NDST3: variants seen among roughly 807,000 people sequenced by gnomAD.
NDST3 encodes N-deacetylase and N-sulfotransferase 3, also known as bifunctional heparan sulfate N-deacetylase/N-sulfotransferase 3.
Under a neutral mutation model 96.1 loss-of-function variants are expected in NDST3, and 58 were observed. The ratio of observed to expected loss-of-function variants is 0.60; its 90% CI spans 0.49 to 0.75. The LOEUF (loss-of-function observed/expected upper bound fraction) is 0.75. Ranked by LOEUF, NDST3 falls within the 30% of genes least tolerant of loss-of-function variation. The pLI is 0.00. For missense variants in NDST3, 788 were observed against 1,034.2 expected (o/e 0.76, Z 3.27); for synonymous variants, 333 against 359.7 (o/e 0.93, Z 0.84).
At chr4:118,213,272 C>G (rs973295832) in intron 6 of NDST3, among the ~76,000 whole-genome samples, 1 of 152,178 alleles carries the variant, frequency 6.6e-6, no homozygotes, top group African/African-American at 2.4e-5. Flanking sequence ...TGTTCTTATT[C>G]ATGCCCCAGG....
At chr4:118,078,943 C>T (rs868668283) in intron 2 of NDST3, among the ~76,000 whole-genome samples, 14 of 152,266 alleles carry the variant, frequency 9.2e-5, no homozygotes, top group South Asian at 4.1e-4. Context: ...AATATTTACA[C>T]TATTTTTTTT....
chr4:118,129,377 T>C (rs1732403103), intron 4 of NDST3, among the ~76,000 whole-genome samples: 1 of 152,024 alleles, frequency 6.6e-6, no homozygotes, highest in South Asian at 2.1e-4. Flanking sequence ...GGTTTTGGTA[T>C]GTTATGTTTC....
At position 118,078,012 on chromosome 4, in the gene NDST3, TG is replaced by T. The variant is rs199624012; in HGVS notation, c.981+23123del. On this transcript the variant is annotated intron_variant, in intron 2 of 13. Coordinates refer to ENST00000296499, the MANE Select transcript of NDST3 (RefSeq NM_004784.3). ...GAGTTGCCCCTGTAAAACTTCTGGG[TG>T]GCTCTGTGCCTCAGTTTAGAAGTGT... Among the ~76,000 whole-genome samples the T allele has an allele frequency of 8.5e-3, 1,290 of 152,274 alleles. 4 individuals carry two copies. The highest frequency in any genetic ancestry group is 0.014 in the Non-Finnish European group (948 of 68,002).
intron 1 of NDST3, among the ~76,000 whole-genome samples, chr4:118,042,586 G>T (rs911411099): frequency 2.0e-5 from 3 of 152,094 alleles, no homozygotes; most frequent in Admixed American, 6.5e-5. Context: ...TCATACTCTT[G>T]TACTTCACAA....
At chr4:118,254,956 T>C (rs1052342598) in intron 13 of NDST3, among the ~76,000 whole-genome samples, 12 of 152,208 alleles carry the variant, frequency 7.9e-5, no homozygotes, top group Non-Finnish European at 1.6e-4. Flanking sequence ...GATTAAAATA[T>C]ACCTTCAGAG....
chr4:118,216,377 T>C (rs1353256776), intron 6 of NDST3, among the ~76,000 whole-genome samples: 3 of 152,074 alleles, frequency 2.0e-5, no homozygotes, highest in Non-Finnish European at 4.4e-5. Flanking sequence ...CAATAATATA[T>C]CAACAATAAT....
chr4:118,066,135 A>G (rs1282267021), intron 2 of NDST3, among the ~76,000 whole-genome samples: 1 of 29,398 alleles, frequency 3.4e-5, no homozygotes, highest in East Asian at 9.0e-4. Context: ...TATATTATAT[A>G]ATATATTTTA....
chr4:118,096,560 C>A (rs1729318893), intron 2 of NDST3, among the ~76,000 whole-genome samples: 1 of 151,694 alleles, frequency 6.6e-6, no homozygotes, highest in Non-Finnish European at 1.5e-5. Context: ...CCAAACTACC[C>A]TAGTCATGAT....
At chr4:118,168,406 G>A (rs557953741) in intron 6 of NDST3, among the ~76,000 whole-genome samples, 2 of 151,876 alleles carry the variant, frequency 1.3e-5, no homozygotes, top group South Asian at 4.2e-4. Flanking sequence ...ATAAATATAA[G>A]TAAGTGCTAG....
chr4:118,230,502 C>T (rs776688274), intron 8 of NDST3, among the ~76,000 whole-genome samples: 30 of 151,092 alleles, frequency 2.0e-4, no homozygotes, highest in Non-Finnish European at 3.7e-4. Flanking sequence ...GTGAACCCGG[C>T]GGGCGGAGCT....
At chr4:118,173,332 T>C (rs1253077225) in intron 6 of NDST3, among the ~76,000 whole-genome samples, 1 of 152,136 alleles carries the variant, frequency 6.6e-6, no homozygotes, top group Non-Finnish European at 1.5e-5. Context: ...CCACTGTCAT[T>C]GTGCTTTGTT....
intron 1 of NDST3, among the ~76,000 whole-genome samples, chr4:118,051,726 T>G (rs1293572633): frequency 2.0e-5 from 3 of 151,976 alleles, no homozygotes; most frequent in African/African-American, 7.2e-5. Context: ...CTAAATATCC[T>G]GCCAAAATAG....
At position 118,226,958 on chromosome 4, in the gene NDST3, T is replaced by G; in HGVS notation, c.1795T>G (p.Leu599Val). Residue 599 changes from leucine (L) to valine (V), a missense_variant, in exon 8 of 14, where the codon TTG becomes GTG. Coordinates refer to ENST00000296499, the MANE Select transcript of NDST3 (RefSeq NM_004784.3). ...AACTTGTGATCGCTTACCAAAATTC[T>G]TGGTAATAGGACCCCAGAAAACTGG... ...EKTCDRLPKF[L>V]VIGPQKTGTT... 6.2e-7 allele frequency: 1 copy of G among 1,613,378 alleles called. No individual in the cohort carries two copies. The highest frequency in any genetic ancestry group is 1.3e-5 in the African/African-American group (1 of 75,008).
chr4:118,116,103 A>G (rs1263977481), intron 4 of NDST3, among the ~76,000 whole-genome samples: 1 of 152,244 alleles, frequency 6.6e-6, no homozygotes, highest in African/African-American at 2.4e-5. Flanking sequence ...TAAAATTGGT[A>G]AAACGGCCCC....
intron 13 of NDST3, 102 bp downstream of exon 13, chr4:118,253,703 C>A: frequency 1.2e-6 from 1 of 805,152 alleles, no homozygotes; most frequent in Non-Finnish European, 1.9e-6. Flanking sequence ...TTCAGCCTTT[C>A]TAAAAATTAA....
chr4:118,151,393 TA>T lies in NDST3; in HGVS notation c.1539+7717del, dbSNP rs200922768. Among the ~76,000 whole-genome samples the T allele has an allele frequency of 8.0e-3, 1,202 of 151,114 alleles. 9 individuals carry two copies. The highest frequency in any genetic ancestry group is 0.026 in the African/African-American group (1,075 of 41,182). On this transcript the variant is annotated intron_variant, in intron 6 of 13. Transcript: ENST00000296499. ...CCTAAAACTTAAAGTATAATAATAA[TA>T]AAAAAAAGAAATATTAAAAAACAAC...
chr4:118,085,580 C>T (rs1437867635), intron 2 of NDST3, among the ~76,000 whole-genome samples: 1 of 152,292 alleles, frequency 6.6e-6, no homozygotes, highest in Non-Finnish European at 1.5e-5. Context: ...GATAACACTG[C>T]TGAATCCAAA....
At chr4:118,181,566 A>G (rs892309228) in intron 6 of NDST3, among the ~76,000 whole-genome samples, 1 of 152,200 alleles carries the variant, frequency 6.6e-6, no homozygotes, top group Non-Finnish European at 1.5e-5. Flanking sequence ...TACAGAGACC[A>G]GAGAGGCCTT....
intron 9 of NDST3, among the ~76,000 whole-genome samples, chr4:118,234,638 T>G (rs556653939): frequency 6.6e-6 from 1 of 151,928 alleles, no homozygotes; most frequent in South Asian, 2.1e-4. Context: ...TTTGAAAAAT[T>G]TATGGTAAAA....
Sources: allele counts gnomAD v4.1 joint callset (sites outside exome capture counted in the v4.1 genomes callset), GRCh38; gene constraint gnomAD v4.1.1; transcripts MANE v1.5; gene names NCBI Gene and HGNC (gene_info 2026-07-23, HGNC 2026-07-21).